ITPR1: variants seen among roughly 807,000 people sequenced by gnomAD.
ITPR1 encodes the protein inositol 1,4,5-trisphosphate-gated calcium channel ITPR1.
ITPR1 carries 96 observed loss-of-function variants against 318.4 expected under a neutral mutation model. The ratio of observed to expected loss-of-function variants is 0.30; its 90% CI spans 0.26 to 0.36. The LOEUF (loss-of-function observed/expected upper bound fraction) is 0.36, where lower values mean the gene tolerates loss of function less well. Among genes scored for constraint, ITPR1 ranks in the 10% least tolerant of loss-of-function variants. The pLI is 1.00. For missense variants in ITPR1, 2,440 were observed against 3,460.2 expected, an observed-to-expected ratio of 0.71 and a Z score of 7.40; for synonymous variants, 1,312 against 1,289.9, an observed-to-expected ratio of 1.02 and a Z score of -0.37.
intron 35 of ITPR1, among the ~76,000 whole-genome samples, chr3:4,702,372 G>A (rs1374483569): frequency 6.6e-6 from 1 of 152,170 alleles, no homozygotes; most frequent in African/African-American, 2.4e-5. Flanking sequence ...GCTGATTAAA[G>A]ACATGGGTTC....
chr3:4,543,398 C>A (rs1156373855), intron 4 of ITPR1, among the ~76,000 whole-genome samples: 5 of 152,180 alleles, frequency 3.3e-5, no homozygotes, highest in Middle Eastern at 3.4e-3. Flanking sequence ...CATGGAAGCT[C>A]CCAAGAAAAC....
chr3:4,521,067 C>T lies in ITPR1; in HGVS notation c.136C>T (p.Leu46Phe), dbSNP rs1464038696. Residue 46 changes from leucine to phenylalanine, a missense_variant, in exon 4 of 62, where the codon CTT becomes TTT. Leu to Phe is a conservative substitution (Grantham distance 22). Coordinates refer to ENST00000649015, the MANE Select transcript of ITPR1 (RefSeq NM_001378452.1). ...RCVVQPETGDLNNPPKKFRDC... is the reference protein window; with the variant it reads ...RCVVQPETGDFNNPPKKFRDC... ...TGTTGTACAGCCAGAAACCGGGGAC[C>T]TTAACAATCCACCTAAGAAATTCAG... 1 of 1,613,570 alleles carries T rather than the reference C, an allele frequency of 6.2e-7. No individual in the cohort carries two copies. Among genetic ancestry groups the T allele is most frequent in the Non-Finnish European group, 8.5e-7 (1 of 1,179,658 alleles).
rs115797251 is a variant in ITPR1, at chr3:4,809,673, A to G, written c.7273-1592A>G. On this transcript the variant is annotated intron_variant, in intron 55 of 61. Coordinates refer to ENST00000649015, the MANE Select transcript of ITPR1 (RefSeq NM_001378452.1). ...AATTAGAAGAAAGCTTTTCTTTTATATAAATAATACTTATTGATTGTTTTA... is the reference window on the plus strand; with the variant it reads ...AATTAGAAGAAAGCTTTTCTTTTATGTAAATAATACTTATTGATTGTTTTA... 3.5e-3 allele frequency among the ~76,000 whole-genome samples: 529 copies of G among 152,246 alleles called. 5 individuals carry two copies. Among genetic ancestry groups the G allele is most frequent in the African/African-American group, 0.012 (509 of 41,540 alleles).
intron 4 of ITPR1, among the ~76,000 whole-genome samples, chr3:4,616,815 A>G (rs1323008610): frequency 1.3e-5 from 2 of 152,186 alleles, no homozygotes; most frequent in African/African-American, 4.8e-5. Flanking sequence ...GATGCACGGG[A>G]AACTCCTATC....
chr3:4,495,300 G>A (rs2080464375), intron 2 of ITPR1, among the ~76,000 whole-genome samples: 2 of 151,694 alleles, frequency 1.3e-5, no homozygotes, highest in Admixed American at 6.6e-5. Context: ...GGTAGGTGGG[G>A]GTGGGTGGCT....
chr3:4,576,648 G>T (rs1374752645), intron 4 of ITPR1, among the ~76,000 whole-genome samples: 2 of 152,224 alleles, frequency 1.3e-5, no homozygotes, highest in Non-Finnish European at 1.5e-5. Context: ...ACGGGTCATG[G>T]CAATGGAGCC....
intron 4 of ITPR1, among the ~76,000 whole-genome samples, chr3:4,543,554 T>A (rs1350862641): frequency 6.6e-6 from 1 of 152,246 alleles, no homozygotes; most frequent in Non-Finnish European, 1.5e-5. Flanking sequence ...GTGATCCTCT[T>A]GCCTCAGCCT....
At position 4,691,188 on chromosome 3, in the gene ITPR1, C is replaced by T. The variant is rs567943387; in HGVS notation, c.3873C>T (p.Phe1291=). The stretch of plus-strand genomic sequence containing the variant: ...TGCAGCACATCTTCATGAACAATTT[C>T]CAGCTTTGCAGTGAGATCAACGAGA... ...VTMQHIFMNN[F]QLCSEINERV... The change falls in exon 32 of 62, where the codon TTC becomes TTT. Residue 1291 remains phenylalanine (F), a synonymous_variant. Coordinates refer to ENST00000649015, the MANE Select transcript of ITPR1 (RefSeq NM_001378452.1). 1.2e-6 allele frequency: 2 copies of T among 1,613,012 alleles called. No individual in the cohort carries two copies. The highest frequency in any genetic ancestry group is 1.7e-6 in the Non-Finnish European group (2 of 1,179,326).
At chr3:4,723,529 T>G (rs1375067647) in intron 40 of ITPR1, among the ~76,000 whole-genome samples, 1 of 152,022 alleles carries the variant, frequency 6.6e-6, no homozygotes, top group Non-Finnish European at 1.5e-5. Context: ...GGAAATAGTG[T>G]GTCAGTACAA....
intron 4 of ITPR1, among the ~76,000 whole-genome samples, chr3:4,608,951 G>A (rs1256002312): frequency 1.4e-5 from 2 of 140,342 alleles, no homozygotes; most frequent in African/African-American, 2.7e-5. Context: ...GCAGTGAGCC[G>A]AGATCACGCA....
rs775568250 is a variant in ITPR1, at chr3:4,777,312, C to CTGAT, written c.6230_6233dup (p.Leu2079AspfsTer4). 6.2e-7 allele frequency: 1 copy of CTGAT among 1,608,184 alleles called. No individual in the cohort carries two copies. The highest frequency in any genetic ancestry group is 2.2e-5 in the East Asian group (1 of 44,774). On this transcript the variant is annotated frameshift_variant, in exon 48 of 62. Coordinates refer to ENST00000649015, the MANE Select transcript of ITPR1 (RefSeq NM_001378452.1). LOFTEE classifies it high-confidence loss of function. ...CAATGGCATTGACATCATCACAGCC[C>CTGAT]TGATCCTCAATGATATCAATCCTTT...
chr3:4,605,508 A>G (rs2091642112), intron 4 of ITPR1, among the ~76,000 whole-genome samples: 3 of 152,206 alleles, frequency 2.0e-5, no homozygotes, highest in African/African-American at 4.8e-5. Flanking sequence ...GTCATATCAG[A>G]GAATTGTCCT....
intron 59 of ITPR1, among the ~76,000 whole-genome samples, chr3:4,816,992 G>A (rs1331686815): frequency 2.0e-5 from 3 of 152,088 alleles, no homozygotes; most frequent in African/African-American, 7.2e-5. Flanking sequence ...TAACTACATG[G>A]ACTTGTGGAT....
At chr3:4,781,044 G>A (rs1057367413) in intron 49 of ITPR1, among the ~76,000 whole-genome samples, 8 of 152,204 alleles carry the variant, frequency 5.3e-5, no homozygotes, top group Non-Finnish European at 1.0e-4. Context: ...GCATGTGTGC[G>A]TACATACGTG....
At position 4,683,407 on chromosome 3, in the gene ITPR1, C is replaced by G; in HGVS notation, c.3183C>G (p.Asp1061Glu). Residue 1061 changes from aspartate (D) to glutamate (E), a missense_variant, in exon 27 of 62, where the codon GAC becomes GAG. Physicochemically the swap from Asp to Glu is conservative, Grantham distance 45 (BLOSUM62 2). This residue lies in a region of ITPR1 where 76 missense variants were observed against 132.2 expected (regional missense o/e 0.58). Transcript: ENST00000649015. ...TTAGTGAGGAGAACACCCCACTGGA[C>G]TTGGATGACCACGGCGGCAGAACCT... The part of the protein sequence containing the change: ...FGGSEENTPL[D>E]LDDHGGRTFL... The G allele has an allele frequency of 6.2e-7, 1 of 1,614,056 alleles. No individual in the cohort carries two copies. The highest frequency in any genetic ancestry group is 2.2e-5 in the East Asian group (1 of 44,890).
chr3:4,706,330 G>T lies in ITPR1; in HGVS notation c.4821G>T (p.Arg1607=). The T allele has an allele frequency of 6.2e-7, 1 of 1,612,732 alleles. No individual in the cohort carries two copies. Among genetic ancestry groups the T allele is most frequent in the South Asian group, 1.1e-5 (1 of 90,954 alleles). Residue 1607 remains arginine (R), a synonymous_variant, in exon 37 of 62, where the codon CGG becomes CGT. Coordinates refer to ENST00000649015, the MANE Select transcript of ITPR1 (RefSeq NM_001378452.1). The part of the protein sequence containing the change: ...DSVLAASRDY[R]NIIERLQDIV... ...TTCTGGCAGCTTCCAGAGACTACCG[G>T]AATATCATTGAGAGATTGCAGGTAA...
intron 60 of ITPR1, among the ~76,000 whole-genome samples, chr3:4,820,284 C>T (rs1196971692): frequency 6.6e-6 from 1 of 152,220 alleles, no homozygotes; most frequent in Non-Finnish European, 1.5e-5. Context: ...GAGGCCTGTA[C>T]TGTTCACCCT....
chr3:4,632,110 C>T (rs2093032984), intron 5 of ITPR1, among the ~76,000 whole-genome samples: 1 of 152,234 alleles, frequency 6.6e-6, no homozygotes, highest in Admixed American at 6.5e-5. Context: ...CTTCCAGTCA[C>T]TGCAGCAATC....
At chr3:4,783,784 C>A in intron 50 of ITPR1, 32 bp from the exon 51 acceptor site, 4 of 1,489,158 alleles carry the variant, frequency 2.7e-6, no homozygotes, top group Non-Finnish European at 3.7e-6. Flanking sequence ...GAAGAGACAC[C>A]AACCTCCTGT....
Sources: gnomAD v4.1 joint callset for allele counts (sites outside exome capture counted in the v4.1 genomes callset) on GRCh38, gnomAD v4.1.1 for gene constraint, gnomAD v4.1.1 regional missense constraint, MANE v1.5 for transcripts, NCBI Gene and HGNC (gene_info 2026-07-23, HGNC 2026-07-21) for gene names.